BIRC6: variants seen among roughly 807,000 people sequenced by gnomAD.
The protein encoded by BIRC6 is baculoviral IAP repeat containing 6.
In BIRC6, 98 loss-of-function variants were observed where a neutral mutation model predicts 503.3. That is an observed-to-expected ratio of 0.19 (90% CI 0.17 to 0.23). The LOEUF (loss-of-function observed/expected upper bound fraction) is 0.23. BIRC6 is among the 10% of genes least tolerant of loss of function. BIRC6 has a pLI of 1.00. For missense variants in BIRC6, 5,360 were observed against 5,806.0 expected, an observed-to-expected ratio of 0.92 and a Z score of 2.50; for synonymous variants, 2,240 against 2,078.7, an observed-to-expected ratio of 1.08 and a Z score of -2.11.
chr2:32,524,935 A>G lies in BIRC6; in HGVS notation c.11671A>G (p.Lys3891Glu). The G allele has an allele frequency of 6.5e-7, 1 of 1,530,042 alleles. No individual in the cohort carries two copies. Among genetic ancestry groups the G allele is most frequent in the South Asian group, 1.3e-5 (1 of 78,456 alleles). 94.8% of individuals were successfully genotyped at this position (1,530,042 alleles called of 1,614,324 possible). ...ATTAATTAGTGAACAAAAAGATGAC[A>G]AAGAAAAGAAAAACCATGAAGAGAA... ...AKLISEQKDD[K>E]EKKNHEEKEK... The change falls in exon 58 of 74, where the codon AAA becomes GAA. Residue 3891 changes from lysine (K) to glutamate (E), a missense_variant. By Grantham distance (56) the Lys-to-Glu change is moderately conservative. Transcript: ENST00000421745.
intron 45 of BIRC6, among the ~76,000 whole-genome samples, chr2:32,494,810 T>A (rs2052249536): frequency 6.6e-6 from 1 of 152,052 alleles, no homozygotes; most frequent in South Asian, 2.1e-4. Context: ...CTGTGGAGCC[T>A]GATGCAGGAG....
chr2:32,364,792 C>T (rs2034650339), intron 1 of BIRC6, among the ~76,000 whole-genome samples: 1 of 146,452 alleles, frequency 6.8e-6, no homozygotes, highest in Non-Finnish European at 1.5e-5. Flanking sequence ...GATGTAAGAG[C>T]TTCTTGATCA....
At chr2:32,451,611 A>G (rs1049462878) in intron 22 of BIRC6, among the ~76,000 whole-genome samples, 3 of 152,224 alleles carry the variant, frequency 2.0e-5, no homozygotes, top group Non-Finnish European at 2.9e-5. Flanking sequence ...ACATATGCAT[A>G]GAGTACTTCT....
intron 50 of BIRC6, among the ~76,000 whole-genome samples, chr2:32,506,023 T>G (rs1326486685): frequency 6.6e-6 from 1 of 151,984 alleles, no homozygotes; most frequent in Non-Finnish European, 1.5e-5. Flanking sequence ...AATTTTTGTA[T>G]TTTTTTGTAG....
At chr2:32,447,413 G>T (rs1292847555) in intron 21 of BIRC6, among the ~76,000 whole-genome samples, 2 of 148,852 alleles carry the variant, frequency 1.3e-5, no homozygotes, top group African/African-American at 2.5e-5. Flanking sequence ...CGGACGGGGC[G>T]GCTGGCCGGG....
At chr2:32,473,706 CGTGTGTGTGTGT>C (rs70938348) in intron 33 of BIRC6, among the ~76,000 whole-genome samples, 173 of 72,690 alleles carry the variant, frequency 2.4e-3, no homozygotes, top group African/African-American at 6.2e-3. Flanking sequence ...TCTCCTTTTT[CGTGTGTGTGTGT>C]GTGTGTGTGT....
chr2:32,489,622 G>A (rs540165657), intron 42 of BIRC6, among the ~76,000 whole-genome samples: 40 of 152,198 alleles, frequency 2.6e-4, no homozygotes, highest in Admixed American at 9.8e-4. Flanking sequence ...GACCAGCCTG[G>A]CCAACATGGT....
At chr2:32,498,738 A>C (rs1414270834) in intron 45 of BIRC6, among the ~76,000 whole-genome samples, 1 of 151,862 alleles carries the variant, frequency 6.6e-6, no homozygotes, top group African/African-American at 2.4e-5. Context: ...CAGGCCCATC[A>C]CCATGCCTGG....
At chr2:32,530,802 CTTTTG>C (rs1490021876) in intron 60 of BIRC6, among the ~76,000 whole-genome samples, 1 of 152,084 alleles carries the variant, frequency 6.6e-6, no homozygotes, top group Non-Finnish European at 1.5e-5. Context: ...TTATTTCTCT[CTTTTG>C]TTTTAATGTT....
chr2:32,455,940 G>A (rs1050065251), intron 23 of BIRC6, among the ~76,000 whole-genome samples: 3 of 152,122 alleles, frequency 2.0e-5, no homozygotes, highest in Non-Finnish European at 4.4e-5. Flanking sequence ...GATGATTGTA[G>A]TCTCTCAATC....
intron 70 of BIRC6, among the ~76,000 whole-genome samples, chr2:32,600,219 G>C (rs2061959863): frequency 6.6e-6 from 1 of 152,212 alleles, no homozygotes; most frequent in Non-Finnish European, 1.5e-5. Flanking sequence ...TATATTAAAA[G>C]TAGGAAGATG....
intron 23 of BIRC6, among the ~76,000 whole-genome samples, chr2:32,455,166 C>T (rs928884817): frequency 3.1e-4 from 47 of 151,902 alleles, no homozygotes; most frequent in Non-Finnish European, 2.8e-4. Context: ...ATCATGAGGT[C>T]AAGAGATCGA....
Position 32,392,098 on chromosome 2 carries a change from G to A in BIRC6, c.899G>A (p.Gly300Asp). The change falls in exon 5 of 74, where the codon GGC becomes GAC. Residue 300 changes from glycine (G) to aspartate (D), a missense_variant. Coordinates refer to ENST00000421745, the MANE Select transcript of BIRC6 (RefSeq NM_016252.4). ...ACATTTACCTCATGGCCTCATGTAG[G>A]CTATAGGTGGGCACAACCAGATCCC... is the stretch of plus-strand genomic sequence containing the variant. ...RETFTSWPHV[G>D]YRWAQPDPMA... 2 of 1,598,856 alleles carry A rather than the reference G, an allele frequency of 1.3e-6. No homozygotes were observed. Among genetic ancestry groups the A allele is most frequent in the Non-Finnish European group, 1.7e-6 (2 of 1,172,080 alleles).
At position 32,479,521 on chromosome 2, in the gene BIRC6, G is replaced by T; in HGVS notation, c.7312G>T (p.Val2438Leu). 1.2e-6 allele frequency: 2 copies of T among 1,605,786 alleles called. No individual in the cohort carries two copies. Among genetic ancestry groups the T allele is most frequent in the Non-Finnish European group, 1.7e-6 (2 of 1,175,820 alleles). ...AMEEGTVGDD[V>L]GATAGDSDDS... ...GGAGGAAGGAACAGTGGGTGATGAT[G>T]TAGGTGCGACAGCTGGTGACTCTGA... Residue 2438 changes from valine (V) to leucine (L), a missense_variant, in exon 37 of 74, where the codon GTA (valine) becomes TTA (leucine). By Grantham distance (32) the Val-to-Leu change is conservative (BLOSUM62 1). Transcript: ENST00000421745.
chr2:32,607,528 G>A lies in BIRC6; in HGVS notation c.14144G>A (p.Arg4715Lys), dbSNP rs951719226. 13 of 1,613,836 alleles carry A rather than the reference G, an allele frequency of 8.1e-6. No individual in the cohort carries two copies. Among genetic ancestry groups the A allele is most frequent in the Non-Finnish European group, 9.3e-6 (11 of 1,179,788 alleles). ...YFNEPGYERS[R>K]GTPSGTQSSR... is the part of the protein sequence containing the mutation. Reference sequence around the variant, plus strand: ...AATGAACCGGGATATGAACGGTCTAGAGGCACTCCCAGTGGCACACAGAGT... The same window carrying A: ...AATGAACCGGGATATGAACGGTCTAAAGGCACTCCCAGTGGCACACAGAGT... Residue 4715 changes from arginine (R) to lysine (K), a missense_variant, in exon 72 of 74, where the codon AGA becomes AAA. By Grantham distance (26) the Arg-to-Lys change is conservative. This residue lies in a region of BIRC6 where 40 missense variants were observed against 53.4 expected (regional missense o/e 0.75). Transcript: ENST00000421745.
intron 10 of BIRC6, among the ~76,000 whole-genome samples, chr2:32,419,774 A>T (rs1190308435): frequency 1.3e-5 from 2 of 152,236 alleles, no homozygotes; most frequent in African/African-American, 4.8e-5. Flanking sequence ...AAGTTGAGCC[A>T]TAATTGCTTT....
intron 9 of BIRC6, among the ~76,000 whole-genome samples, chr2:32,410,171 A>G (rs2149900369): frequency 6.6e-6 from 1 of 152,318 alleles, no homozygotes; most frequent in East Asian, 1.9e-4. Flanking sequence ...GAAAACATTT[A>G]AGTAAATTTG....
In BIRC6 at chr2:32,469,469, A is replaced by G. The variant is rs943114034; in HGVS notation, c.6202A>G (p.Ile2068Val). ...TGAAGAGCTCTTTAAACACTTGTGC[A>G]TCAGTGGAACCCCAAAGATACGGTT... ...ACEELFKHLC[I>V]SGTPKIRLHT... The change falls in exon 30 of 74, where the codon ATC (isoleucine) becomes GTC (valine). Residue 2068 changes from isoleucine (I) to valine (V), a missense_variant. Around this residue, in one of 16 missense-constraint regions of BIRC6, gnomAD observed 2,299 missense variants for 2,267.2 expected, o/e 1.01. Transcript: ENST00000421745. The G allele has an allele frequency of 1.1e-5, 17 of 1,613,854 alleles. No individual in the cohort carries two copies. Among genetic ancestry groups the G allele is most frequent in the Non-Finnish European group, 1.4e-5 (16 of 1,179,860 alleles).
intron 3 of BIRC6, among the ~76,000 whole-genome samples, chr2:32,386,264 A>G (rs1362132867): frequency 6.6e-6 from 1 of 152,218 alleles, no homozygotes; most frequent in Non-Finnish European, 1.5e-5. Context: ...ACTACCTACC[A>G]GATATCAGGG....
Sources: allele counts gnomAD v4.1 joint callset (sites outside exome capture counted in the v4.1 genomes callset), GRCh38; gene constraint gnomAD v4.1.1; regional missense constraint gnomAD v4.1.1; transcripts MANE v1.5; gene names NCBI Gene and HGNC (gene_info 2026-07-23, HGNC 2026-07-21).